The following VWA3B variants were observed in gnomAD, a reference collection of about 807,000 sequenced individuals.
The protein encoded by VWA3B is von Willebrand factor A domain-containing protein 3B.
Under a neutral mutation model 158.3 loss-of-function variants are expected in VWA3B, and 138 were observed. That is an observed-to-expected ratio of 0.87 (90% CI 0.76 to 1.00). VWA3B has a LOEUF of 1.00. VWA3B is among the 50% of genes least tolerant of loss of function. The pLI is 0.00. For synonymous variants in VWA3B, 596 were observed against 587.3 expected (o/e 1.01, Z -0.21); for missense variants, 1,555 against 1,565.1 (o/e 0.99, Z 0.11).
the VWA3B span, among the ~76,000 whole-genome samples, chr2:98,321,768 G>A: frequency 1.3e-5 from 2 of 152,182 alleles, no homozygotes; most frequent in African/African-American, 4.8e-5. Flanking sequence ...TTAAGACTTT[G>A]GGGTACTGTT....
At chr2:98,248,054 G>A (rs1043143069) in intron 19 of VWA3B, among the ~76,000 whole-genome samples, 26 of 151,946 alleles carry the variant, frequency 1.7e-4, no homozygotes, top group African/African-American at 5.8e-4. Context: ...ATTCTATTAA[G>A]ATTATTTTTT....
Position 98,158,724 on chromosome 2 carries a change from T to A in VWA3B, c.989-4127T>A, listed in dbSNP as rs149921346. Reference sequence around the variant, plus strand: ...TCACCGTTTCCTGGGGGTGGTGGAGTCAAGACTATGTCTTCAGTGAAGGGT... The same window carrying A: ...TCACCGTTTCCTGGGGGTGGTGGAGACAAGACTATGTCTTCAGTGAAGGGT... On this transcript the variant is annotated intron_variant, in intron 7 of 27. Transcript: ENST00000477737. 1.3e-4 allele frequency among the ~76,000 whole-genome samples: 17 copies of A among 134,386 alleles called. No homozygotes were observed. The East Asian group carries it at 3.7e-3, about 29-fold the overall frequency. The allele number at this position is 134,386 out of a possible 152,430, so 88.2% of individuals were successfully genotyped here. A position where few individuals can be genotyped will look rare whatever the true frequency, so the allele number is the denominator to read the frequency against.
chr2:98,253,532 C>T (rs80285452), intron 20 of VWA3B, among the ~76,000 whole-genome samples: 7,977 of 152,202 alleles, frequency 0.052, 306 homozygotes, highest in Non-Finnish European at 0.084. Context: ...TTTTCTGTTG[C>T]TTACTTTCAT....
intron 2 of VWA3B, among the ~76,000 whole-genome samples, chr2:98,094,138 T>G (rs533645835): frequency 2.0e-4 from 30 of 152,328 alleles, no homozygotes; most frequent in Admixed American, 2.0e-3. Context: ...CTGATTTTAT[T>G]TCCTTTGGAT....
chr2:98,313,935 C>T (rs186398793), downstream of VWA3B, among the ~76,000 whole-genome samples: 2 of 152,336 alleles, frequency 1.3e-5, no homozygotes, highest in South Asian at 2.1e-4. Context: ...TGAACTTCCA[C>T]CTCCAACCAA....
chr2:98,260,395 T>TA (rs1250280743), intron 21 of VWA3B, among the ~76,000 whole-genome samples: 2 of 151,070 alleles, frequency 1.3e-5, no homozygotes, highest in African/African-American at 2.4e-5. Context: ...CAACCATGCA[T>TA]AAAAAATATT....
chr2:98,139,800 A>G (rs1018817817), intron 7 of VWA3B, among the ~76,000 whole-genome samples: 5 of 152,188 alleles, frequency 3.3e-5, no homozygotes, highest in Non-Finnish European at 7.3e-5. Flanking sequence ...GGGGCCAGAT[A>G]AGAGAATAAA....
intron 8 of VWA3B, among the ~76,000 whole-genome samples, chr2:98,174,522 A>G (rs140921556): frequency 2.4e-4 from 37 of 152,334 alleles, no homozygotes; most frequent in African/African-American, 7.7e-4. Context: ...GTCAAAAACA[A>G]TGAGAGGTGA....
At chr2:98,260,575 T>TA (rs1687417955) in intron 21 of VWA3B, among the ~76,000 whole-genome samples, 1 of 151,768 alleles carries the variant, frequency 6.6e-6, no homozygotes, top group African/African-American at 2.4e-5. Context: ...CTATTTTATT[T>TA]AAGAGGCTTG....
At chr2:98,200,537 CATCTCAA>C (rs1239807105) in intron 12 of VWA3B, among the ~76,000 whole-genome samples, 11 of 119,598 alleles carry the variant, frequency 9.2e-5, no homozygotes, top group Admixed American at 8.5e-5. Context: ...AGCAAGACTC[CATCTCAA>C]AAAAAAAAAA....
intron 7 of VWA3B, among the ~76,000 whole-genome samples, chr2:98,136,775 T>A (rs1037930122): frequency 6.6e-6 from 1 of 152,144 alleles, no homozygotes; most frequent in Admixed American, 6.5e-5. Flanking sequence ...GGGACACATA[T>A]ATTCAAATCA....
rs566038827 is a variant in VWA3B at position 98,272,014 on chromosome 2, G to C, written c.3045+1131G>C. Among the ~76,000 whole-genome samples the C allele has an allele frequency of 3.3e-5, 5 of 152,330 alleles. No individual in the cohort carries two copies. In the South Asian group the frequency reaches 1.0e-3, roughly 32 times the overall value. Reference sequence around the variant, plus strand: ...ACAGCAATCATCAACAGGGAAGAAGGCTTCTGTGACCAAAGGTGTGGGGGA... The same window carrying C: ...ACAGCAATCATCAACAGGGAAGAAGCCTTCTGTGACCAAAGGTGTGGGGGA... On this transcript the variant is annotated intron_variant, in intron 22 of 27. Coordinates refer to ENST00000477737, the MANE Select transcript of VWA3B (RefSeq NM_144992.5).
At chr2:98,151,368 G>C (rs930886172) in intron 7 of VWA3B, among the ~76,000 whole-genome samples, 1 of 152,212 alleles carries the variant, frequency 6.6e-6, no homozygotes, top group African/African-American at 2.4e-5. Flanking sequence ...GCCTCCCAAA[G>C]TGCTGGGATC....
Position 98,119,528 on chromosome 2 carries a change from G to A in VWA3B, c.307G>A (p.Glu103Lys). The part of the protein sequence containing the change: ...GRVYNLTAKS[E>K]LIYQFVEHLT... Reference sequence around the variant, plus strand: ...TTTCATTAAGCTGACAGCTAAATCAGAACTGATTTATCAGTTTGTGGAACA... The same window carrying A: ...TTTCATTAAGCTGACAGCTAAATCAAAACTGATTTATCAGTTTGTGGAACA... Residue 103 changes from glutamate to lysine, a missense_variant, in exon 4 of 28, where the codon GAA becomes AAA. Physicochemically the swap from Glu to Lys is moderately conservative, Grantham distance 56. Coordinates refer to ENST00000477737, the MANE Select transcript of VWA3B (RefSeq NM_144992.5). The A allele has an allele frequency of 6.2e-7, 1 of 1,613,800 alleles. No individual in the cohort carries two copies. Among genetic ancestry groups the A allele is most frequent in the Non-Finnish European group, 8.5e-7 (1 of 1,179,980 alleles).
intron 8 of VWA3B, among the ~76,000 whole-genome samples, chr2:98,175,556 C>A (rs1391102881): frequency 2.6e-5 from 4 of 152,218 alleles, no homozygotes; most frequent in East Asian, 1.9e-4. Flanking sequence ...ATGAAAAAAA[C>A]CAAACAGAGT....
At chr2:98,268,336 T>C (rs1245932122) in intron 21 of VWA3B, among the ~76,000 whole-genome samples, 2 of 152,084 alleles carry the variant, frequency 1.3e-5, no homozygotes, top group Admixed American at 1.3e-4. Context: ...AAAAAGCTTA[T>C]CCACCATGAT....
At chr2:98,200,542 CAAA>C (rs35030422) in intron 12 of VWA3B, among the ~76,000 whole-genome samples, 122 of 93,720 alleles carry the variant, frequency 1.3e-3, no homozygotes, top group South Asian at 7.6e-3. Context: ...GACTCCATCT[CAAA>C]AAAAAAAAAA....
chr2:98,221,347 C>T lies in VWA3B; in HGVS notation c.2019+3319C>T, dbSNP rs73963254. Among the ~76,000 whole-genome samples, 1,261 of 152,240 alleles carry T rather than the reference C, an allele frequency of 8.3e-3. 19 individuals are homozygous for T. The highest frequency in any genetic ancestry group is 0.029 in the African/African-American group (1,185 of 41,536). ...CCGAGCCAAATGACTGGGAAGAGCACGGCTTAATAACAGAAAACCTTTTTG... is the reference window on the plus strand; with the variant it reads ...CCGAGCCAAATGACTGGGAAGAGCATGGCTTAATAACAGAAAACCTTTTTG... On this transcript the variant is annotated intron_variant, in intron 14 of 27. Transcript: ENST00000477737.
intron 26 of VWA3B, among the ~76,000 whole-genome samples, chr2:98,309,112 A>G (rs1184028845): frequency 6.6e-6 from 1 of 150,766 alleles, no homozygotes; most frequent in African/African-American, 2.4e-5. Context: ...AGAGCTTGCC[A>G]TGAGCCGAGA....
Sources: gnomAD v4.1 joint callset for allele counts (sites outside exome capture counted in the v4.1 genomes callset) on GRCh38, gnomAD v4.1.1 for gene constraint, MANE v1.5 for transcripts, NCBI Gene and HGNC (gene_info 2026-07-23, HGNC 2026-07-21) for gene names.